The following NSRP1 variants were observed in gnomAD, a reference collection of about 807,000 sequenced individuals.
NSRP1 encodes nuclear speckle splicing regulatory protein 1, also known as coiled-coil domain containing 55.
NSRP1 carries 24 observed loss-of-function variants against 54.7 expected under a neutral mutation model. That is an observed-to-expected ratio of 0.44 (90% CI 0.32 to 0.62). The LOEUF (loss-of-function observed/expected upper bound fraction) is 0.62. Among genes scored for constraint, NSRP1 ranks in the 20% least tolerant of loss-of-function variants. The probability of loss-of-function intolerance (pLI) is 0.06; values close to 1 mark genes in which losing one functional copy is unlikely to be tolerated. For missense variants in NSRP1, 596 were observed against 651.2 expected, an observed-to-expected ratio of 0.92 and a Z score of 0.92; for synonymous variants, 210 against 213.8, an observed-to-expected ratio of 0.98 and a Z score of 0.15.
At chr17:30,116,982 CG>C (rs2071539507) in intron 1 of NSRP1, 119 bp downstream of exon 1, 1 of 1,280,308 alleles carries the variant, frequency 7.8e-7, no homozygotes, top group Non-Finnish European at 1.1e-6. Context: ...AGGGTAGAGA[CG>C]GGAAAAAACG....
chr17:30,153,542 C>G (rs1397453035), intron 2 of NSRP1, among the ~76,000 whole-genome samples: 2 of 152,170 alleles, frequency 1.3e-5, no homozygotes, highest in African/African-American at 4.8e-5. Context: ...TTCTCTCCCT[C>G]TCTTCCACCT....
chr17:30,177,686 G>A (rs1905173604), intron 3 of NSRP1, among the ~76,000 whole-genome samples: 1 of 151,798 alleles, frequency 6.6e-6, no homozygotes, highest in South Asian at 2.1e-4. Context: ...CCTTTTGATG[G>A]GTATAATTAT....
At chr17:30,172,960 T>C (rs1334798347) in intron 3 of NSRP1, among the ~76,000 whole-genome samples, 1 of 151,584 alleles carries the variant, frequency 6.6e-6, no homozygotes, top group African/African-American at 2.4e-5. Flanking sequence ...GATATATAGA[T>C]ATATAGATTT....
In NSRP1 at chr17:30,185,635, G is replaced by A. The variant is rs1296909707; in HGVS notation, c.1638G>A (p.Arg546=). Residue 546 remains arginine (R), a synonymous_variant, in exon 7 of 7, where the codon CGG becomes CGA. Coordinates refer to ENST00000247026, the MANE Select transcript of NSRP1 (RefSeq NM_032141.4). The part of the protein sequence containing the change: ...RDRYLARQMA[R]VNAKTYIEKE... ...GGTACTTGGCCAGGCAGATGGCGCG[G>A]GTTAATGCAAAGACCTATATTGAGA... is the stretch of plus-strand genomic sequence containing the variant. 2 of 1,609,806 alleles carry A rather than the reference G, an allele frequency of 1.2e-6. No homozygotes were observed. The highest frequency in any genetic ancestry group is 2.7e-5 in the African/African-American group (2 of 74,470).
chr17:30,178,269 A>C (rs957540148), intron 4 of NSRP1, 70 bp downstream of exon 4: 14 of 1,522,302 alleles, frequency 9.2e-6, no homozygotes, highest in Non-Finnish European at 1.2e-5. Flanking sequence ...TTATTTTAAC[A>C]TGAGAATGAT....
At chr17:30,146,950 A>G (rs543532477) in intron 2 of NSRP1, among the ~76,000 whole-genome samples, 2 of 152,232 alleles carry the variant, frequency 1.3e-5, no homozygotes, top group African/African-American at 2.4e-5. Context: ...TCTAGTCCTT[A>G]TACCTCTTTT....
At chr17:30,121,591 G>A (rs149781037) in intron 2 of NSRP1, among the ~76,000 whole-genome samples, 3,733 of 143,088 alleles carry the variant, frequency 0.026, 146 homozygotes, top group African/African-American at 0.093. Context: ...TTTTTGAGAC[G>A]GAGTCTCTGT....
At chr17:30,170,085 A>G (rs1904875009) in intron 2 of NSRP1, among the ~76,000 whole-genome samples, 1 of 152,172 alleles carries the variant, frequency 6.6e-6, no homozygotes, top group African/African-American at 2.4e-5. Flanking sequence ...AAATGAAAGA[A>G]TTAAAAATGC....
In NSRP1 at chr17:30,185,028, A is replaced by G. The variant is rs753000082; in HGVS notation, c.1031A>G (p.His344Arg). ...DRDYRKERDSHRHREASHRDS... is the reference protein window; with the variant it reads ...DRDYRKERDSRRHREASHRDS... ...GATTACCGGAAAGAAAGGGATTCTCATAGGCACAGAGAGGCCAGTCATAGA... is the reference window on the plus strand; with the variant it reads ...GATTACCGGAAAGAAAGGGATTCTCGTAGGCACAGAGAGGCCAGTCATAGA... Residue 344 changes from histidine (H) to arginine (R), a missense_variant, in exon 7 of 7, where the codon CAT (histidine) becomes CGT (arginine). His to Arg is a conservative substitution (Grantham distance 29). Transcript: ENST00000247026. 6.2e-6 allele frequency: 10 copies of G among 1,614,202 alleles called. No homozygotes were observed. Among genetic ancestry groups the G allele is most frequent in the East Asian group, 2.2e-5 (1 of 44,884 alleles).
At chr17:30,136,260 A>G (rs1376809510) in intron 2 of NSRP1, among the ~76,000 whole-genome samples, 2 of 152,176 alleles carry the variant, frequency 1.3e-5, no homozygotes, top group Non-Finnish European at 2.9e-5. Context: ...CTCATTTATT[A>G]TATATTAAAT....
At chr17:30,169,880 A>G (rs1191972791) in intron 2 of NSRP1, among the ~76,000 whole-genome samples, 2 of 151,936 alleles carry the variant, frequency 1.3e-5, no homozygotes, top group Non-Finnish European at 2.9e-5. Context: ...GGTACAATAC[A>G]ACTGAAGATA....
At position 30,175,191 on chromosome 17, in the gene NSRP1, T is replaced by C. The variant is rs554166263; in HGVS notation, c.171+2593T>C. On this transcript the variant is annotated intron_variant, in intron 3 of 6. Transcript: ENST00000247026. ...CTTTTCTAATATATGCATTTAAGGC[T>C]ATATGTTTCCCTCTAAGTACTTCTG... Among the ~76,000 whole-genome samples the C allele has an allele frequency of 4.0e-4, 61 of 152,334 alleles. 1 individual carries two copies. Among genetic ancestry groups the C allele is most frequent in the Admixed American group, 1.4e-3 (22 of 15,308 alleles).
intron 2 of NSRP1, among the ~76,000 whole-genome samples, chr17:30,126,504 CATT>C (rs2071650820): frequency 6.6e-6 from 1 of 152,188 alleles, no homozygotes; most frequent in Admixed American, 6.5e-5. Context: ...TAAAAGCTTG[CATT>C]ATAAGTTGTT....
At chr17:30,144,921 T>A (rs1191512968) in intron 2 of NSRP1, 1 of 152,220 alleles carries the variant, frequency 6.6e-6, no homozygotes, top group Admixed American at 6.5e-5. Flanking sequence ...GTGTTTGATA[T>A]ATGTGCTGAT....
At chr17:30,134,355 A>T (rs1268991740) in intron 2 of NSRP1, among the ~76,000 whole-genome samples, 1 of 152,244 alleles carries the variant, frequency 6.6e-6, no homozygotes, top group Non-Finnish European at 1.5e-5. Flanking sequence ...TGACACACTG[A>T]CATGAAGTGA....
intron 4 of NSRP1, 32 bp from the exon 5 acceptor site, chr17:30,179,058 A>T: frequency 7.7e-7 from 1 of 1,300,140 alleles, no homozygotes; most frequent in Non-Finnish European, 1.0e-6. Flanking sequence ...CTATTTTTTT[A>T]CTCTTTTCCT....
At chr17:30,117,059 A>T in intron 1 of NSRP1, 196 bp downstream of exon 1, 1 of 785,136 alleles carries the variant, frequency 1.3e-6, no homozygotes, top group Non-Finnish European at 2.3e-6. Flanking sequence ...CCGAAGTTTG[A>T]GGGAGAAACT....
At chr17:30,120,562 T>G (rs2071588051) in intron 2 of NSRP1, among the ~76,000 whole-genome samples, 1 of 152,244 alleles carries the variant, frequency 6.6e-6, no homozygotes, top group Non-Finnish European at 1.5e-5. Context: ...TATATAGTGT[T>G]GCTTTCAACC....
intron 2 of NSRP1, among the ~76,000 whole-genome samples, chr17:30,139,870 A>C (rs556426020): frequency 6.6e-6 from 1 of 152,232 alleles, no homozygotes; most frequent in South Asian, 2.1e-4. Context: ...TAAAAATACA[A>C]AAAATTAGCT....
Sources: allele counts gnomAD v4.1 joint callset (sites outside exome capture counted in the v4.1 genomes callset), GRCh38; gene constraint gnomAD v4.1.1; transcripts MANE v1.5; gene names NCBI Gene and HGNC (gene_info 2026-07-23, HGNC 2026-07-21).